The following CNOT6 variants were observed in gnomAD, a reference collection of about 807,000 sequenced individuals.
CNOT6 encodes the protein CCR4-NOT transcription complex subunit 6.
CNOT6 carries 12 observed loss-of-function variants against 61.2 expected under a neutral mutation model. The observed-to-expected ratio is 0.20, with a 90% CI of 0.13 to 0.32. CNOT6 has a LOEUF of 0.32. Ranked by LOEUF, CNOT6 falls within the 10% of genes least tolerant of loss-of-function variation. CNOT6 has a pLI of 1.00. For synonymous variants in CNOT6, 225 were observed against 240.6 expected (o/e 0.94, Z 0.60); for missense variants, 405 against 663.9 (o/e 0.61, Z 4.28).
intron 11 of CNOT6, among the ~76,000 whole-genome samples, chr5:180,571,840 G>A (rs1379686479): frequency 6.6e-6 from 1 of 152,116 alleles, no homozygotes; most frequent in Non-Finnish European, 1.5e-5. Context: ...TGGGATTACA[G>A]GCGTGAACCA....
intron 1 of CNOT6, among the ~76,000 whole-genome samples, chr5:180,528,040 G>A (rs917300408): frequency 1.3e-5 from 2 of 152,224 alleles, no homozygotes; most frequent in East Asian, 1.9e-4. Context: ...TGTCTTCCAC[G>A]AAACTGGTCC....
intron 4 of CNOT6, among the ~76,000 whole-genome samples, chr5:180,560,042 G>A (rs1760088567): frequency 6.6e-6 from 1 of 150,794 alleles, no homozygotes; most frequent in Admixed American, 6.6e-5. Context: ...TCCGCCTCCT[G>A]GGTTCAAACG....
chr5:180,530,724 G>A (rs1358016340), intron 2 of CNOT6, among the ~76,000 whole-genome samples: 1 of 152,238 alleles, frequency 6.6e-6, no homozygotes, highest in Non-Finnish European at 1.5e-5. Context: ...GCCTTCCGCA[G>A]TGTTTGTGTC....
intron 1 of CNOT6, among the ~76,000 whole-genome samples, chr5:180,519,077 A>G (rs72811164): frequency 0.019 from 2,882 of 152,320 alleles, 38 homozygotes; most frequent in Non-Finnish European, 0.027. Flanking sequence ...GAGTTTATTC[A>G]GGAATAGCAG....
At chr5:180,549,092 C>T (rs910338258) in intron 2 of CNOT6, among the ~76,000 whole-genome samples, 3 of 152,082 alleles carry the variant, frequency 2.0e-5, no homozygotes, top group African/African-American at 7.2e-5. Context: ...TACTTGTTAC[C>T]ATATAATACA....
At chr5:180,541,477 A>G (rs1382786808) in intron 2 of CNOT6, among the ~76,000 whole-genome samples, 52 of 85,296 alleles carry the variant, frequency 6.1e-4, no homozygotes, top group African/African-American at 2.3e-3. Context: ...TTTGAGACAG[A>G]GTTTCGCTCT....
At chr5:180,533,994 C>T (rs1430262259) in intron 2 of CNOT6, among the ~76,000 whole-genome samples, 1 of 152,128 alleles carries the variant, frequency 6.6e-6, no homozygotes, top group South Asian at 2.1e-4. Context: ...CCTAAGCATA[C>T]CCATAAAGGT....
chr5:180,500,436 CTTTTCT>C (rs1756818501), intron 1 of CNOT6, among the ~76,000 whole-genome samples: 1 of 62,130 alleles, frequency 1.6e-5, no homozygotes, highest in African/African-American at 5.6e-5. Flanking sequence ...TTTTTCTTTT[CTTTTCT>C]TTTTTTTTTT....
At chr5:180,550,264 A>G (rs1759528712) in intron 3 of CNOT6, 147 bp downstream of exon 3, 1 of 572,822 alleles carries the variant, frequency 1.7e-6, no homozygotes, top group Non-Finnish European at 3.0e-6. Flanking sequence ...ATTCTGGCCA[A>G]CATGGTGAAA....
chr5:180,577,822 A>G lies in CNOT6; in HGVS notation c.*3622A>G, dbSNP rs1761075860. ...AACTGAATAAACCATACGGACTGGC[A>G]GTAACAAGGGCTTTTACTGTTCTGT... On this transcript the variant is annotated 3_prime_UTR_variant, in exon 12 of 12. Transcript: ENST00000261951. 6.5e-6 allele frequency: 1 copy of G among 152,676 alleles called. No individual in the cohort carries two copies. Among genetic ancestry groups the G allele is most frequent in the Non-Finnish European group, 1.5e-5 (1 of 68,054 alleles). 9.5% of individuals were successfully genotyped at this position (152,676 alleles called of 1,614,324 possible).
At chr5:180,570,465 A>T (rs971330434) in intron 10 of CNOT6, among the ~76,000 whole-genome samples, 1 of 152,256 alleles carries the variant, frequency 6.6e-6, no homozygotes, top group Non-Finnish European at 1.5e-5. Context: ...TCATCAAGTT[A>T]TCTGGGGATT....
In CNOT6 at chr5:180,523,252, C is replaced by G. The variant is rs375966949; in HGVS notation, c.-2-6023C>G. Among the ~76,000 whole-genome samples the G allele has an allele frequency of 2.8e-4, 43 of 152,220 alleles. No homozygotes were observed. The East Asian group carries it at 6.8e-3, about 24-fold the overall frequency. The stretch of plus-strand genomic sequence containing the variant: ...TTTTACAGTTGCTTCTCAGGTACCC[C>G]TTTTCTTTTCCCCTTAGATGTTCAT... On this transcript the variant is annotated intron_variant, in intron 1 of 11. Coordinates refer to ENST00000261951, the MANE Select transcript of CNOT6 (RefSeq NM_001370472.1).
rs1048035183 is a variant in CNOT6, at chr5:180,555,739, C to T, written c.385+2268C>T. Among the ~76,000 whole-genome samples, 9 of 152,142 alleles carry T rather than the reference C, an allele frequency of 5.9e-5. No homozygotes were observed. In the East Asian group the frequency reaches 1.2e-3, roughly 20 times the overall value. On this transcript the variant is annotated intron_variant, in intron 4 of 11. Transcript: ENST00000261951. ...ACTATCATTGATTTCTCCCGGCATC[C>T]GCTTGGAAGAGAGAAAATAATATCA...
rs1037572880 is a variant in CNOT6, at chr5:180,542,666, C to T, written c.113-7265C>T. 4.6e-5 allele frequency among the ~76,000 whole-genome samples: 7 copies of T among 152,338 alleles called. No homozygotes were observed. The East Asian group carries it at 7.7e-4, about 17-fold the overall frequency. ...TCTTTTAGTGTTTGCTAATCACCCA[C>T]GTGATTTCAGAACACATAAATTGAT... On this transcript the variant is annotated intron_variant, in intron 2 of 11. Coordinates refer to ENST00000261951, the MANE Select transcript of CNOT6 (RefSeq NM_001370472.1).
rs1166643034 is a variant in CNOT6 at position 180,569,279 on chromosome 5, G to C, written c.1197G>C (p.Leu399Phe). 2 of 1,614,154 alleles carry C rather than the reference G, an allele frequency of 1.2e-6. No homozygotes were observed. Among genetic ancestry groups the C allele is most frequent in the Non-Finnish European group, 8.5e-7 (1 of 1,180,020 alleles). ...KASRNLKSSV[L>F]GEFGTIPLVL... is the part of the protein sequence containing the mutation. ...CTCGCAACCTCAAATCCAGTGTTTT[G>C]GGAGAATTTGGAACTATTCCACTTG... The change falls in exon 10 of 12, where the codon TTG becomes TTC. Residue 399 changes from leucine to phenylalanine, a missense_variant. This residue lies in a region of CNOT6 where 116 missense variants were observed against 184.6 expected (regional missense o/e 0.63). Coordinates refer to ENST00000261951, the MANE Select transcript of CNOT6 (RefSeq NM_001370472.1).
intron 4 of CNOT6, among the ~76,000 whole-genome samples, chr5:180,558,508 C>A (rs2127754075): frequency 9.9e-6 from 1 of 100,670 alleles, no homozygotes. Flanking sequence ...GCAGAAACAC[C>A]TTAAAAAAAA....
At chr5:180,533,311 C>CATATATATATATATATATATAT (rs1305701783) in intron 2 of CNOT6, among the ~76,000 whole-genome samples, 18 of 65,216 alleles carry the variant, frequency 2.8e-4, no homozygotes, top group African/African-American at 4.0e-4. Flanking sequence ...TGGATGAAAA[C>CATATATATATATATATATATAT]CTATATATAT....
At chr5:180,514,371 G>A (rs1209398791) in intron 1 of CNOT6, among the ~76,000 whole-genome samples, 2 of 152,310 alleles carry the variant, frequency 1.3e-5, no homozygotes, top group African/African-American at 4.8e-5. Context: ...GCGGTGAGCC[G>A]AGATAGCGCC....
chr5:180,566,202 A>C (rs1169461413), intron 7 of CNOT6, among the ~76,000 whole-genome samples: 1 of 152,204 alleles, frequency 6.6e-6, no homozygotes, highest in Non-Finnish European at 1.5e-5. Flanking sequence ...ATGACCGCTA[A>C]ATACTCACCT....
Sources: allele counts gnomAD v4.1 joint callset (sites outside exome capture counted in the v4.1 genomes callset), GRCh38; gene constraint gnomAD v4.1.1; regional missense constraint gnomAD v4.1.1; transcripts MANE v1.5; gene names NCBI Gene and HGNC (gene_info 2026-07-23, HGNC 2026-07-21).